The following PLA2G6 variants were observed in gnomAD, a reference collection of about 807,000 sequenced individuals.
PLA2G6 encodes 85/88 kDa calcium-independent phospholipase A2.
A neutral mutation model predicts 83.8 loss-of-function variants in PLA2G6; 62 were observed. That is an observed-to-expected ratio of 0.74 (90% CI 0.60 to 0.91). The LOEUF is 0.91. Among genes scored for constraint, PLA2G6 ranks in the 40% least tolerant of loss-of-function variants. PLA2G6 has a pLI of 0.00. For missense variants in PLA2G6, 944 were observed against 1,102.0 expected, an observed-to-expected ratio of 0.86 and a Z score of 2.03; for synonymous variants, 417 against 449.8, an observed-to-expected ratio of 0.93 and a Z score of 0.92.
chr22:38,124,497 G>A (rs2087716744), intron 10 of PLA2G6, among the ~76,000 whole-genome samples: 1 of 152,160 alleles, frequency 6.6e-6, no homozygotes, highest in Non-Finnish European at 1.5e-5. Flanking sequence ...GGTTGGTTCA[G>A]TCTGGAACCT....
chr22:38,119,123 A>C (rs2087377334), intron 12 of PLA2G6, among the ~76,000 whole-genome samples: 1 of 152,100 alleles, frequency 6.6e-6, no homozygotes, highest in African/African-American at 2.4e-5. Flanking sequence ...ACTTCTCTCT[A>C]CTGCCCCCAA....
Position 38,113,474 on chromosome 22 carries a change from G to T in PLA2G6, c.2202+13C>A, listed in dbSNP as rs749243834. 1 of 1,613,514 alleles carries T rather than the reference G, an allele frequency of 6.2e-7. No individual in the cohort carries two copies. The highest frequency in any genetic ancestry group is 2.2e-5 in the East Asian group (1 of 44,870). On this transcript the variant is annotated intron_variant, in intron 15 of 16. Coordinates refer to ENST00000332509, the MANE Select transcript of PLA2G6 (RefSeq NM_003560.4). ...CCTGAGGGAAGTGGCCTGGGGGAGG[G>T]GCCCACACTCACACAGTCCACCACC...
rs564844726 is a variant in PLA2G6 at position 38,176,857 on chromosome 22, T to G, written c.-46+4807A>C. ...GTTCAAGACCAGCCTGGCCAACGTG[T>G]GAGAAAAAAACCCCATCTCTACTAA... is the stretch of plus-strand genomic sequence containing the variant. On this transcript the variant is annotated intron_variant, in intron 1 of 16. Transcript: ENST00000332509. Among the ~76,000 whole-genome samples the G allele has an allele frequency of 2.6e-5, 4 of 151,344 alleles. 1 individual carries two copies. The South Asian group carries it at 8.4e-4, about 32-fold the overall frequency.
At chr22:38,121,015 G>C in intron 11 of PLA2G6, 106 bp from the exon 12 acceptor site, 3 of 1,368,888 alleles carry the variant, frequency 2.2e-6, no homozygotes, top group Non-Finnish European at 3.1e-6. Flanking sequence ...GGAGGAAGCG[G>C]GTTTACCGAG....
At chr22:38,164,402 T>C (rs2090137020) in intron 2 of PLA2G6, among the ~76,000 whole-genome samples, 1 of 152,216 alleles carries the variant, frequency 6.6e-6, no homozygotes, top group Non-Finnish European at 1.5e-5. Flanking sequence ...TCCTCATCTG[T>C]AATAGGAGGT....
intron 2 of PLA2G6, chr22:38,148,834 C>T: frequency 3.3e-6 from 1 of 307,678 alleles, no homozygotes; most frequent in Non-Finnish European, 6.0e-6. Flanking sequence ...TGTAAGGAAA[C>T]ATCAAACTAG....
intron 1 of PLA2G6, among the ~76,000 whole-genome samples, chr22:38,174,569 G>A (rs1245170530): frequency 1.3e-5 from 2 of 152,170 alleles, no homozygotes; most frequent in Admixed American, 6.5e-5. Context: ...CCAAGTGCAC[G>A]GTCCCCTGAG....
rs1345373858 is a variant in PLA2G6 at position 38,115,394 on chromosome 22, T to A, written c.2034+133A>T. 4 of 779,532 alleles carry A rather than the reference T, an allele frequency of 5.1e-6. No individual in the cohort carries two copies. The East Asian group carries it at 1.1e-4, about 21-fold the overall frequency. 48.3% of individuals were successfully genotyped at this position (779,532 alleles called of 1,614,324 possible). A position where few individuals can be genotyped will look rare whatever the true frequency, so the allele number is the denominator to read the frequency against. ...AGGTTCCAGTGAGATCAATTTGCCC[T>A]GTGTGCACATATGAATGAGTGCGTG... On this transcript the variant is annotated intron_variant, in intron 14 of 16. Transcript: ENST00000332509.
chr22:38,155,687 C>A (rs2089750395), intron 2 of PLA2G6, among the ~76,000 whole-genome samples: 1 of 151,650 alleles, frequency 6.6e-6, no homozygotes, highest in Admixed American at 6.6e-5. Context: ...CAGATACACA[C>A]AAAAAAATAA....
At position 38,143,167 on chromosome 22, in the gene PLA2G6, C is replaced by T. The variant is rs11570646; in HGVS notation, c.547G>A (p.Asp183Asn). The T allele has an allele frequency of 4.2e-5, 68 of 1,614,078 alleles. No individual in the cohort carries two copies. The highest frequency in any genetic ancestry group is 4.0e-4 in the Admixed American group (24 of 60,010). Residue 183 changes from aspartate (D) to asparagine (N), a missense_variant, in exon 4 of 17, where the codon GAC (aspartate) becomes AAC (asparagine). Physicochemically the swap from Asp to Asn is conservative, Grantham distance 23. Coordinates refer to ENST00000332509, the MANE Select transcript of PLA2G6 (RefSeq NM_003560.4). ...TGGAAGACGGTCTCTCCCTTGTAGT[C>T]GGTGACATCCATCTGAGTGTGGCAG... ...QYCHTQMDVT[D>N]YKGETVFHYA...
Position 38,132,052 on chromosome 22 carries a change from T to C in PLA2G6, c.1077+779A>G. 1 of 438,540 alleles carries C rather than the reference T, an allele frequency of 2.3e-6. No homozygotes were observed. 27.2% of individuals were successfully genotyped at this position (438,540 alleles called of 1,614,324 possible). A position where few individuals can be genotyped will look rare whatever the true frequency, so the allele number is the denominator to read the frequency against. ...ATCGCTTGAACCTGGGAGGCGGAGG[T>C]TGTGGTGAGCCGAGATCGCGCCACT... On this transcript the variant is annotated intron_variant, in intron 7 of 16. Coordinates refer to ENST00000332509, the MANE Select transcript of PLA2G6 (RefSeq NM_003560.4). The surrounding 1 kb of genome is among the most constrained non-coding windows in gnomAD (Gnocchi z 5.0).
chr22:38,176,732 C>G (rs1279463780), intron 1 of PLA2G6, among the ~76,000 whole-genome samples: 1 of 152,188 alleles, frequency 6.6e-6, no homozygotes, highest in Non-Finnish European at 1.5e-5. Context: ...CACCTCCAAG[C>G]TCACAAAGAA....
chr22:38,125,578 C>T (rs1046114153), intron 10 of PLA2G6: 11 of 441,326 alleles, frequency 2.5e-5, no homozygotes, highest in South Asian at 5.0e-5. Context: ...AGAGAGCCTG[C>T]GGTAGCACAA....
chr22:38,120,145 G>A (rs1378308170), intron 12 of PLA2G6, among the ~76,000 whole-genome samples: 2 of 152,192 alleles, frequency 1.3e-5, no homozygotes, highest in Non-Finnish European at 2.9e-5. Context: ...CCCCGAACGG[G>A]ATGCATTGCT....
chr22:38,120,627 G>A, intron 12 of PLA2G6, 132 bp downstream of exon 12: 1 of 1,105,284 alleles, frequency 9.0e-7, no homozygotes, highest in Non-Finnish European at 1.4e-6. Flanking sequence ...CCCTGGGAAG[G>A]GGGTTCCCTC....
rs1215544306 is a variant in PLA2G6, at chr22:38,113,665, C to A, written c.2035-11G>T. 1.2e-6 allele frequency: 2 copies of A among 1,613,264 alleles called. No individual in the cohort carries two copies. Among genetic ancestry groups the A allele is most frequent in the Non-Finnish European group, 1.7e-6 (2 of 1,179,866 alleles). On this transcript the variant is annotated splice_polypyrimidine_tract_variant and intron_variant, in intron 14 of 16. Transcript: ENST00000332509. ...CTTGTTGGCCTGACCCTGTTGGGAA[C>A]AGGACAGGGGCAGTCAGAAGAGACC...
rs371006065 is a variant in PLA2G6 at position 38,169,995 on chromosome 22, C to A, written c.-45-524G>T. Among the ~76,000 whole-genome samples the A allele has an allele frequency of 2.0e-5, 3 of 151,974 alleles. No homozygotes were observed. In the South Asian group the frequency reaches 6.2e-4, roughly 32 times the overall value. On this transcript the variant is annotated intron_variant, in intron 1 of 16. Transcript: ENST00000332509. Reference sequence around the variant, plus strand: ...GGCGGATCATTTGAGGTCAGAAATTCGAGACCAGCCTGGCCAACATGGCGA... The same window carrying A: ...GGCGGATCATTTGAGGTCAGAAATTAGAGACCAGCCTGGCCAACATGGCGA...
chr22:38,169,822 C>T (rs2090364562), intron 1 of PLA2G6, among the ~76,000 whole-genome samples: 1 of 152,206 alleles, frequency 6.6e-6, no homozygotes, highest in African/African-American at 2.4e-5. Context: ...CACATGTGAA[C>T]ATACATTATA....
intron 9 of PLA2G6, chr22:38,127,131 G>C: frequency 1.8e-6 from 2 of 1,127,748 alleles, no homozygotes; most frequent in South Asian, 4.1e-5. Context: ...GCAGCAGCCC[G>C]CGTGACCCCA....
Sources: allele counts gnomAD v4.1 joint callset (sites outside exome capture counted in the v4.1 genomes callset), GRCh38; gene constraint gnomAD v4.1.1; non-coding constraint Gnocchi (gnomAD v3.1); transcripts MANE v1.5; gene names NCBI Gene and HGNC (gene_info 2026-07-23, HGNC 2026-07-21).